PSG1: variants seen among roughly 807,000 people sequenced by gnomAD.
PSG1 encodes the protein pregnancy specific beta-1-glycoprotein 1, also known as pregnancy-specific beta-1-glycoprotein 1.
Under a neutral mutation model 41.4 loss-of-function variants are expected in PSG1, and 60 were observed. That is an observed-to-expected ratio of 1.45 (90% CI 1.18 to 1.80). The LOEUF (loss-of-function observed/expected upper bound fraction) is 1.80, where lower values mean the gene tolerates loss of function less well. Ranked by LOEUF, PSG1 falls within the 40% of genes most tolerant of loss-of-function variation. The pLI, the probability that PSG1 is intolerant of heterozygous loss-of-function variation, is 0.00. For synonymous variants in PSG1, 256 were observed against 192.9 expected (o/e 1.33, Z -2.71); for missense variants, 806 against 516.9 (o/e 1.56, Z -5.42).
intron 2 of PSG1, among the ~76,000 whole-genome samples, chr19:42,875,655 G>T (rs368856365): frequency 2.6e-5 from 4 of 151,340 alleles, no homozygotes; most frequent in Non-Finnish European, 5.9e-5. Context: ...TAATTTTTTA[G>T]TCCTGTGGCC....
chr19:42,870,437 G>A lies in PSG1; in HGVS notation c.709+1330C>T, dbSNP rs575031418. 3.3e-5 allele frequency: 5 copies of A among 151,380 alleles called. 1 individual carries two copies. Among genetic ancestry groups the A allele is most frequent in the East Asian group, 3.9e-4 (2 of 5,134 alleles). 9.4% of individuals were successfully genotyped at this position (151,380 alleles called of 1,614,324 possible). A position where few individuals can be genotyped will look rare whatever the true frequency, so the allele number is the denominator to read the frequency against. On this transcript the variant is annotated intron_variant, in intron 3 of 5. Coordinates refer to ENST00000436291, the MANE Select transcript of PSG1 (RefSeq NM_001184825.2). ...GTTTCTAGCTTGGTGATCAGTTTTC[G>A]GTGAATTCCACAGTGGCCATGCTGC...
At position 42,868,021 on chromosome 19, in the gene PSG1, A is replaced by G. The variant is rs758548111; in HGVS notation, c.1243+80T>C. 5.0e-6 allele frequency: 8 copies of G among 1,610,560 alleles called. 1 individual carries two copies. The highest frequency in any genetic ancestry group is 2.7e-5 in the African/African-American group (2 of 74,586). On this transcript the variant is annotated intron_variant, in intron 5 of 5. Coordinates refer to ENST00000436291, the MANE Select transcript of PSG1 (RefSeq NM_001184825.2). The stretch of plus-strand genomic sequence containing the variant: ...CCATGGGACACAGGCTGGGAATACA[A>G]TTGTTTTCCTGACTCTTCTCTGAAT...
chr19:42,873,275 T>G (rs2122528965), intron 2 of PSG1, among the ~76,000 whole-genome samples: 1 of 151,860 alleles, frequency 6.6e-6, no homozygotes, highest in Middle Eastern at 3.4e-3. Context: ...GCAGTACATG[T>G]ACTGGTTTAG....
At chr19:42,877,200 C>T (rs888530408) in intron 2 of PSG1, among the ~76,000 whole-genome samples, 3 of 151,642 alleles carry the variant, frequency 2.0e-5, no homozygotes, top group African/African-American at 7.3e-5. Context: ...CTACCTGGTA[C>T]ATCTTCTCTC....
chr19:42,867,342 A>G, intron 5 of PSG1, 192 bp from the exon 6 acceptor site: 1 of 617,320 alleles, frequency 1.6e-6, no homozygotes, highest in Non-Finnish European at 2.9e-6. Context: ...GATTGTTTAC[A>G]TAAGTGCAGC....
intron 3 of PSG1, 55 bp from the exon 4 acceptor site, chr19:42,869,089 A>G (rs1016735585): frequency 1.3e-6 from 2 of 1,594,584 alleles, no homozygotes; most frequent in African/African-American, 2.7e-5. Flanking sequence ...ATTCCTCCAC[A>G]GGTATCCTTC....
chr19:42,870,266 A>T (rs1161878992), intron 3 of PSG1: 7 of 151,854 alleles, frequency 4.6e-5, no homozygotes, highest in Admixed American at 3.9e-4. Flanking sequence ...AATATTTGTC[A>T]TATACTTACT....
chr19:42,879,166 T>C (rs1971757666), intron 1 of PSG1, among the ~76,000 whole-genome samples: 1 of 150,024 alleles, frequency 6.7e-6, no homozygotes, highest in Admixed American at 6.7e-5. Context: ...TCTTTTTTTT[T>C]TTTTGAGATG....
intron 1 of PSG1, 123 bp from the exon 2 acceptor site, chr19:42,878,401 A>T: frequency 7.4e-7 from 1 of 1,353,180 alleles, no homozygotes; most frequent in Non-Finnish European, 9.9e-7. Context: ...ACACACACAC[A>T]TACAAACACA....
rs185742420 is a variant in PSG1 at position 42,879,638 on chromosome 19, C to T, written c.-57G>A. 1.5e-5 allele frequency: 24 copies of T among 1,599,052 alleles called. 1 individual carries two copies. Among genetic ancestry groups the T allele is most frequent in the East Asian group, 9.0e-5 (4 of 44,262 alleles). On this transcript the variant is annotated 5_prime_UTR_variant, in exon 1 of 6. Transcript: ENST00000436291. ...GAGATAAGCCTAGGATCCAGAAACT[C>T]TCTGAGCACGGCTGTCAGCTGTGCT... is the stretch of plus-strand genomic sequence containing the variant.
chr19:42,866,768 A>C lies in PSG1; in HGVS notation c.*366T>G. On this transcript the variant is annotated 3_prime_UTR_variant, in exon 6 of 6. Coordinates refer to ENST00000436291, the MANE Select transcript of PSG1 (RefSeq NM_001184825.2). ...TCTGACACTCTGTTGTTACTCTCAGAAGCTACTACATGTGAAATTCTAATG... is the reference window on the plus strand; with the variant it reads ...TCTGACACTCTGTTGTTACTCTCAGCAGCTACTACATGTGAAATTCTAATG... The C allele has an allele frequency of 1.9e-6, 1 of 517,514 alleles. No homozygotes were observed. Among genetic ancestry groups the C allele is most frequent in the Non-Finnish European group, 3.5e-6 (1 of 286,842 alleles). 32.1% of individuals were successfully genotyped at this position (517,514 alleles called of 1,614,324 possible). A position where few individuals can be genotyped will look rare whatever the true frequency, so the allele number is the denominator to read the frequency against.
intron 3 of PSG1, 98 bp from the exon 4 acceptor site, chr19:42,869,132 A>G (rs935516632): frequency 1.3e-6 from 2 of 1,557,120 alleles, no homozygotes; most frequent in African/African-American, 2.7e-5. Flanking sequence ...CTCTCATTCC[A>G]CCCGAGTCCT....
At position 42,871,968 on chromosome 19, in the gene PSG1, C is replaced by G; in HGVS notation, c.508G>C (p.Asp170His). The change falls in exon 3 of 6, where the codon GAC (aspartate) becomes CAC (histidine). Residue 170 changes from aspartate to histidine, a missense_variant. Coordinates refer to ENST00000436291, the MANE Select transcript of PSG1 (RefSeq NM_001184825.2). ...ETMEAVSLTC[D>H]PETPDASYLW... The stretch of plus-strand genomic sequence containing the variant: ...TAGCTTGCGTCTGGAGTCTCAGGGT[C>G]ACAGGTTAAGCTCACAGCCTCCATG... The G allele has an allele frequency of 6.2e-7, 1 of 1,612,502 alleles. No individual in the cohort carries two copies. The highest frequency in any genetic ancestry group is 8.5e-7 in the Non-Finnish European group (1 of 1,179,208).
intron 2 of PSG1, among the ~76,000 whole-genome samples, chr19:42,873,853 C>G (rs1971493954): frequency 6.6e-6 from 1 of 151,512 alleles, no homozygotes; most frequent in African/African-American, 2.4e-5. Context: ...GGGAGGACCT[C>G]AAAACAGGTA....
In PSG1 at chr19:42,873,178, A is replaced by G. The variant is rs138812416; in HGVS notation, c.431-1133T>C. Among the ~76,000 whole-genome samples the G allele has an allele frequency of 8.5e-3, 1,283 of 151,788 alleles. 43 individuals are homozygous for G. Among genetic ancestry groups the G allele is most frequent in the African/African-American group, 0.03 (1,235 of 41,358 alleles). On this transcript the variant is annotated intron_variant, in intron 2 of 5. Coordinates refer to ENST00000436291, the MANE Select transcript of PSG1 (RefSeq NM_001184825.2). ...ATCTCCTGTACAGCCTCATGCCTAT[A>G]CTTCATACAGATAAAGTGCTCCTTA...
intron 2 of PSG1, among the ~76,000 whole-genome samples, chr19:42,875,375 T>C (rs1174688810): frequency 6.6e-6 from 1 of 151,808 alleles, no homozygotes; most frequent in Non-Finnish European, 1.5e-5. Context: ...GCACAGTTTC[T>C]ATAATCCCTG....
Position 42,868,160 on chromosome 19 carries a change from G to T in PSG1, c.1184C>A (p.Ser395Tyr). The change falls in exon 5 of 6, where the codon TCT becomes TAT. Residue 395 changes from serine to tyrosine, a missense_variant. Transcript: ENST00000436291. ...TTKHSGLYVC[S>Y]VRNSATGKES... ...CTTGCCAGTGGCTGAGTTACGAACA[G>T]AGCAAACATAGAGCCCGCTATGCTT... 1 of 1,612,410 alleles carries T rather than the reference G, an allele frequency of 6.2e-7. No individual in the cohort carries two copies. The highest frequency in any genetic ancestry group is 8.5e-7 in the Non-Finnish European group (1 of 1,179,104).
intron 2 of PSG1, chr19:42,876,617 A>T (rs1049286540): frequency 9.3e-6 from 3 of 323,482 alleles, no homozygotes; most frequent in Admixed American, 3.4e-5. Flanking sequence ...AAAGAAAACA[A>T]GGTCCTCTCC....
At position 42,866,986 on chromosome 19, in the gene PSG1, C is replaced by G; in HGVS notation, c.*148G>C. The G allele has an allele frequency of 1.3e-6, 1 of 762,806 alleles. No homozygotes were observed. Among genetic ancestry groups the G allele is most frequent in the South Asian group, 1.4e-5 (1 of 74,048 alleles). 47.3% of individuals were successfully genotyped at this position (762,806 alleles called of 1,614,324 possible). ...ATGGTGTCGAATATTTTGGTGAGTT[C>G]TGAGTGGCTCATGCTTCACGTACAA... On this transcript the variant is annotated 3_prime_UTR_variant, in exon 6 of 6. Coordinates refer to ENST00000436291, the MANE Select transcript of PSG1 (RefSeq NM_001184825.2).
Sources: allele counts gnomAD v4.1 joint callset (sites outside exome capture counted in the v4.1 genomes callset), GRCh38; gene constraint gnomAD v4.1.1; transcripts MANE v1.5; gene names NCBI Gene and HGNC (gene_info 2026-07-23, HGNC 2026-07-21).